KATNAL2: variants seen among roughly 807,000 people sequenced by gnomAD.
KATNAL2 encodes the protein katanin catalytic subunit A1 like 2.
In KATNAL2, 52 loss-of-function variants were observed where a neutral mutation model predicts 76.3. That is an observed-to-expected ratio of 0.68 (90% CI 0.55 to 0.86). The LOEUF (loss-of-function observed/expected upper bound fraction) is 0.86. Ranked by LOEUF, KATNAL2 falls within the 40% of genes least tolerant of loss-of-function variation. The probability of loss-of-function intolerance (pLI) is 0.00; values close to 1 mark genes in which losing one functional copy is unlikely to be tolerated. For synonymous variants in KATNAL2, 243 were observed against 244.2 expected, an observed-to-expected ratio of 1.00 and a Z score of 0.05; for missense variants, 660 against 668.9, an observed-to-expected ratio of 0.99 and a Z score of 0.15.
chr18:46,928,237 T>C (rs1435475708), intron 1 of KATNAL2, among the ~76,000 whole-genome samples: 3 of 152,164 alleles, frequency 2.0e-5, no homozygotes, highest in Non-Finnish European at 4.4e-5. Context: ...TGGTCTTTGA[T>C]GATGGTGACG....
intron 1 of KATNAL2, among the ~76,000 whole-genome samples, chr18:46,928,180 G>T (rs554315844): frequency 1.4e-3 from 208 of 152,226 alleles, no homozygotes; most frequent in Non-Finnish European, 2.6e-3. Context: ...AGAGTTTCCG[G>T]TTTTTCTACC....
intron 13 of KATNAL2, among the ~76,000 whole-genome samples, chr18:47,072,935 C>T (rs995242411): frequency 6.6e-6 from 1 of 151,982 alleles, no homozygotes; most frequent in Non-Finnish European, 1.5e-5. Flanking sequence ...GCTTGATGGG[C>T]CTTTAGATTG....
chr18:47,065,993 A>T (rs1393815042), intron 10 of KATNAL2, among the ~76,000 whole-genome samples: 1 of 151,726 alleles, frequency 6.6e-6, no homozygotes, highest in East Asian at 1.9e-4. Flanking sequence ...ATAAAAATTT[A>T]AAAAATTTAA....
chr18:47,062,806 G>C (rs2061676348), intron 8 of KATNAL2, among the ~76,000 whole-genome samples, 166 bp from the exon 9 acceptor site: 1 of 152,176 alleles, frequency 6.6e-6, no homozygotes, highest in Non-Finnish European at 1.5e-5. Flanking sequence ...TCCAACTTGA[G>C]GAAATCATCA....
Position 47,069,568 on chromosome 18 carries a change from A to T in KATNAL2, c.976A>T (p.Lys326Ter). 6.2e-7 allele frequency: 1 copy of T among 1,613,766 alleles called. No individual in the cohort carries two copies. Among genetic ancestry groups the T allele is most frequent in the Non-Finnish European group, 8.5e-7 (1 of 1,179,754 alleles). ...FNISASTIVS[K>*]WRGDSEKLVR... is the part of the protein sequence containing the mutation. ...CATTTCTGCATCCACCATTGTCAGC[A>T]AATGGAGAGGGGATTCAGAAAAACT... is the stretch of plus-strand genomic sequence containing the variant. Residue 326 changes from lysine (K) to a stop codon, truncating the protein, a stop_gained, in exon 13 of 18, where the codon AAA (lysine) becomes TAA (stop). Transcript: ENST00000683218. LOFTEE classifies it high-confidence loss of function.
chr18:47,080,155 G>A lies in KATNAL2; in HGVS notation c.1211+2694G>A, dbSNP rs2062438860. The stretch of plus-strand genomic sequence containing the variant: ...AAATATAGTTCATACTAGAAAAGCA[G>A]GATTTTTTTCTCTTTGATTTTTAGT... On this transcript the variant is annotated intron_variant, in intron 15 of 17. Transcript: ENST00000683218. Among the ~76,000 whole-genome samples the A allele has an allele frequency of 2.0e-5, 3 of 152,142 alleles. No homozygotes were observed. In the South Asian group the frequency reaches 6.2e-4, roughly 32 times the overall value.
At chr18:46,928,949 C>T (rs1338856494) in intron 1 of KATNAL2, among the ~76,000 whole-genome samples, 1 of 152,050 alleles carries the variant, frequency 6.6e-6, no homozygotes, top group Non-Finnish European at 1.5e-5. Context: ...GCATGCGCCA[C>T]CACGCCCTGC....
chr18:46,946,136 T>C lies in KATNAL2; in HGVS notation c.-430T>C. 5.1e-6 allele frequency: 4 copies of C among 783,916 alleles called. No individual in the cohort carries two copies. The highest frequency in any genetic ancestry group is 6.2e-6 in the Non-Finnish European group (4 of 642,532). 48.6% of individuals were successfully genotyped at this position (783,916 alleles called of 1,614,324 possible). A position where few individuals can be genotyped will look rare whatever the true frequency, so the allele number is the denominator to read the frequency against. On this transcript the variant is annotated 5_prime_UTR_variant, in exon 2 of 18. It removes an upstream start codon present in the reference 5' UTR. Coordinates refer to ENST00000683218, the MANE Select transcript of KATNAL2 (RefSeq NM_001387690.1). Reference sequence around the variant, plus strand: ...AATGGATGAAGAAGACCGAAGATAATGATGAAGGGATAATTTGGAATAGGA... The same window carrying C: ...AATGGATGAAGAAGACCGAAGATAACGATGAAGGGATAATTTGGAATAGGA...
intron 3 of KATNAL2, among the ~76,000 whole-genome samples, chr18:47,041,501 A>T (rs1409621265): frequency 2.0e-5 from 3 of 152,120 alleles, no homozygotes; most frequent in African/African-American, 7.2e-5. Context: ...TATGCATCTA[A>T]ATTTCCTTCA....
chr18:46,965,974 C>G lies in KATNAL2; in HGVS notation c.51+19051C>G, dbSNP rs1333515011. ...TTTACATTCTCACATGACTTTCTCT[C>G]TCTCTCTCTCAGTGTGTGTGTGTGT... On this transcript the variant is annotated intron_variant, in intron 3 of 17. Coordinates refer to ENST00000683218, the MANE Select transcript of KATNAL2 (RefSeq NM_001387690.1). 5.3e-5 allele frequency among the ~76,000 whole-genome samples: 8 copies of G among 150,906 alleles called. No homozygotes were observed. The Admixed American group carries it at 5.3e-4, about 10-fold the overall frequency.
intron 2 of KATNAL2, 114 bp from the exon 3 acceptor site, chr18:46,946,740 T>C: frequency 2.6e-6 from 3 of 1,135,936 alleles, no homozygotes; most frequent in Non-Finnish European, 3.7e-6. Context: ...TGGCCAGCGA[T>C]TGGCGGGCGT....
chr18:46,958,112 C>T (rs2059819552), intron 3 of KATNAL2, among the ~76,000 whole-genome samples: 1 of 152,114 alleles, frequency 6.6e-6, no homozygotes, highest in South Asian at 2.1e-4. Flanking sequence ...TGTCTTTAAA[C>T]TGGGACAGCG....
At chr18:46,953,846 T>C (rs1054890750) in intron 3 of KATNAL2, among the ~76,000 whole-genome samples, 40 of 152,196 alleles carry the variant, frequency 2.6e-4, no homozygotes, top group African/African-American at 9.7e-4. Context: ...AGACAGTTTT[T>C]CTGTAGGATA....
chr18:46,950,575 T>C (rs72919221), intron 3 of KATNAL2, among the ~76,000 whole-genome samples: 3 of 152,188 alleles, frequency 2.0e-5, no homozygotes, highest in Non-Finnish European at 4.4e-5. Flanking sequence ...TCAACAAAAT[T>C]TGAAAAAAAA....
rs146925905 is a variant in KATNAL2 at position 47,031,503 on chromosome 18, G to T, written c.52-14954G>T. 6.7e-3 allele frequency among the ~76,000 whole-genome samples: 1,026 copies of T among 152,230 alleles called. 14 individuals carry two copies. Among genetic ancestry groups the T allele is most frequent in the African/African-American group, 0.023 (960 of 41,534 alleles). On this transcript the variant is annotated intron_variant, in intron 3 of 17. Transcript: ENST00000683218. ...CATTATGCCCTGAGAATCGGGGAAT[G>T]GGGATTCGGGTGTTAAGCCTTTTCT...
At chr18:47,032,906 G>A (rs540675105) in intron 3 of KATNAL2, 239 of 1,601,834 alleles carry the variant, frequency 1.5e-4, no homozygotes, top group Middle Eastern at 2.2e-4. Flanking sequence ...CCAAGTTAAA[G>A]GTTCTGGTGT....
At chr18:46,948,427 T>C (rs2059446444) in intron 3 of KATNAL2, among the ~76,000 whole-genome samples, 1 of 117,808 alleles carries the variant, frequency 8.5e-6, no homozygotes, top group Non-Finnish European at 1.9e-5. Flanking sequence ...CTTCTTCTTC[T>C]TTTTTTTTTT....
chr18:47,034,566 T>C, intron 3 of KATNAL2: 2 of 1,614,216 alleles, frequency 1.2e-6, no homozygotes, highest in South Asian at 1.1e-5. Flanking sequence ...AGGGGCGTTT[T>C]TCCTGGCGAG....
At chr18:46,938,624 A>T (rs186288690) in intron 1 of KATNAL2, among the ~76,000 whole-genome samples, 1 of 152,162 alleles carries the variant, frequency 6.6e-6, no homozygotes, top group Non-Finnish European at 1.5e-5. Flanking sequence ...GTAGCCATCT[A>T]TCTTATCTCC....
Sources: allele counts gnomAD v4.1 joint callset (sites outside exome capture counted in the v4.1 genomes callset), GRCh38; gene constraint gnomAD v4.1.1; transcripts MANE v1.5; gene names NCBI Gene and HGNC (gene_info 2026-07-23, HGNC 2026-07-21).